PLGRKT: variants seen among roughly 807,000 people sequenced by gnomAD.
The protein encoded by PLGRKT is plasminogen receptor (KT).
Under a neutral mutation model 18.5 loss-of-function variants are expected in PLGRKT, and 22 were observed. The ratio of observed to expected loss-of-function variants is 1.19; its 90% CI spans 0.85 to 1.70. The LOEUF (loss-of-function observed/expected upper bound fraction) is 1.70, where lower values mean the gene tolerates loss of function less well. Ranked by LOEUF, PLGRKT falls within the 40% of genes most tolerant of loss-of-function variation. The pLI is 0.00. For missense variants in PLGRKT, 235 were observed against 174.4 expected, an observed-to-expected ratio of 1.35 and a Z score of -1.96; for synonymous variants, 72 against 52.8, an observed-to-expected ratio of 1.36 and a Z score of -1.58.
At chr9:5,389,454 C>T (rs985097880) in intron 3 of PLGRKT, among the ~76,000 whole-genome samples, 3 of 151,774 alleles carry the variant, frequency 2.0e-5, no homozygotes, top group African/African-American at 7.3e-5. Flanking sequence ...CCAGGTCAGC[C>T]CCCACCTGTC....
In PLGRKT at chr9:5,418,786, G is replaced by A. The variant is rs1818515400; in HGVS notation, c.81+13111C>T. On this transcript the variant is annotated intron_variant, in intron 3 of 5. Coordinates refer to ENST00000223864, the MANE Select transcript of PLGRKT (RefSeq NM_018465.4). This position sits in a 1 kb window ranked among gnomAD's most constrained non-coding sequence, Gnocchi z 4.2. ...GGGGTCGTCGAGGAGCTGCGACACG[G>A]AGAAGTCAGGGGGCAGCTTGGTGAC... The A allele has an allele frequency of 6.2e-5, 51 of 817,074 alleles. No homozygotes were observed. In the South Asian group the frequency reaches 7.6e-4, roughly 12 times the overall value. 50.6% of individuals were successfully genotyped at this position (817,074 alleles called of 1,614,324 possible).
intron 3 of PLGRKT, among the ~76,000 whole-genome samples, chr9:5,385,263 C>A (rs1586715966): frequency 6.6e-6 from 1 of 152,030 alleles, no homozygotes; most frequent in Middle Eastern, 3.4e-3. Flanking sequence ...TTGCTTAAGC[C>A]TTCATAACTT....
intron 3 of PLGRKT, among the ~76,000 whole-genome samples, chr9:5,402,447 G>A (rs1818172345): frequency 6.6e-6 from 1 of 151,854 alleles, no homozygotes; most frequent in Non-Finnish European, 1.5e-5. Flanking sequence ...TGCCTAAAAG[G>A]ATCTGTGGCT....
rs1817187132 is a variant in PLGRKT at position 5,358,438 on chromosome 9, C to G, written c.323-78G>C. The G allele has an allele frequency of 3.1e-6, 4 of 1,307,964 alleles. No homozygotes were observed. In the African/African-American group the frequency reaches 5.8e-5, roughly 19 times the overall value. 81.0% of individuals were successfully genotyped at this position (1,307,964 alleles called of 1,614,324 possible). On this transcript the variant is annotated intron_variant, in intron 5 of 5. Transcript: ENST00000223864. ...GTGACAAAGCCTGATTGCTATATTC[C>G]TTGACAGGCTCTAACACCGTATGAG...
intron 3 of PLGRKT, among the ~76,000 whole-genome samples, chr9:5,374,298 C>G (rs1253076132): frequency 6.6e-6 from 1 of 152,228 alleles, no homozygotes; most frequent in Non-Finnish European, 1.5e-5. Flanking sequence ...ACTGTGTTTT[C>G]TGTTCTTGGT....
chr9:5,375,372 C>A (rs1735994865), intron 3 of PLGRKT, among the ~76,000 whole-genome samples: 1 of 152,146 alleles, frequency 6.6e-6, no homozygotes, highest in Non-Finnish European at 1.5e-5. Context: ...AAGGAAAATG[C>A]ATGAGCTTCC....
chr9:5,372,139 G>A (rs1400874905), intron 3 of PLGRKT, among the ~76,000 whole-genome samples: 3 of 151,518 alleles, frequency 2.0e-5, no homozygotes, highest in Admixed American at 6.6e-5. Flanking sequence ...ACACCACCAC[G>A]CCCAGCTAAT....
At position 5,388,104 on chromosome 9, in the gene PLGRKT, G is replaced by C. The variant is rs1001896866; in HGVS notation, c.82-26216C>G. Among the ~76,000 whole-genome samples, 4 of 152,020 alleles carry C rather than the reference G, an allele frequency of 2.6e-5. No homozygotes were observed. In the East Asian group the frequency reaches 5.8e-4, roughly 22 times the overall value. On this transcript the variant is annotated intron_variant, in intron 3 of 5. Coordinates refer to ENST00000223864, the MANE Select transcript of PLGRKT (RefSeq NM_018465.4). ...TTATGCGGGAGTTATTTGAAATTATGAGACTGGATGAAATGCCCCAGGAAG... is the reference window on the plus strand; with the variant it reads ...TTATGCGGGAGTTATTTGAAATTATCAGACTGGATGAAATGCCCCAGGAAG...
chr9:5,414,219 T>G (rs1308144138), intron 3 of PLGRKT, among the ~76,000 whole-genome samples: 1 of 152,146 alleles, frequency 6.6e-6, no homozygotes, highest in East Asian at 1.9e-4. Flanking sequence ...CAGGCTGGAG[T>G]GCAATGGTGC....
At chr9:5,403,939 G>C (rs968221422) in intron 3 of PLGRKT, among the ~76,000 whole-genome samples, 8 of 152,042 alleles carry the variant, frequency 5.3e-5, no homozygotes, top group African/African-American at 1.9e-4. Context: ...GAAATGTTAA[G>C]GGGGATACCA....
intron 3 of PLGRKT, among the ~76,000 whole-genome samples, chr9:5,426,572 G>T (rs1015926129): frequency 1.3e-5 from 2 of 152,152 alleles, no homozygotes; most frequent in African/African-American, 4.8e-5. Context: ...TTGAAATTAA[G>T]AAATAAATAA....
intron 3 of PLGRKT, among the ~76,000 whole-genome samples, chr9:5,396,574 C>A (rs1294296926): frequency 3.3e-5 from 5 of 152,118 alleles, no homozygotes; most frequent in Middle Eastern, 3.4e-3. Context: ...GAATTAAAGG[C>A]GTGAGCCACT....
At chr9:5,435,444 T>A (rs1818942183) in intron 2 of PLGRKT, among the ~76,000 whole-genome samples, 1 of 151,998 alleles carries the variant, frequency 6.6e-6, no homozygotes, top group South Asian at 2.1e-4. Context: ...ATCCACCCAC[T>A]GCTAACTGCC....
chr9:5,437,980 C>G (rs1389080201), upstream of PLGRKT: 2 of 152,262 alleles, frequency 1.3e-5, no homozygotes, highest in Admixed American at 6.5e-5. Flanking sequence ...CCGCCAGAAG[C>G]CGGGTGTGTC....
chr9:5,403,369 G>T (rs563543478), intron 3 of PLGRKT, among the ~76,000 whole-genome samples: 1 of 149,296 alleles, frequency 6.7e-6, no homozygotes, highest in Non-Finnish European at 1.5e-5. Context: ...GATTACAGGC[G>T]CACGCCACCA....
chr9:5,426,553 C>T (rs1047540334), intron 3 of PLGRKT, among the ~76,000 whole-genome samples: 1 of 152,190 alleles, frequency 6.6e-6, no homozygotes, highest in Non-Finnish European at 1.5e-5. Flanking sequence ...TTCCCCTGTT[C>T]ATCCTTTCTT....
intron 3 of PLGRKT, among the ~76,000 whole-genome samples, chr9:5,379,635 C>G (rs1272112256): frequency 6.6e-6 from 1 of 152,100 alleles, no homozygotes; most frequent in African/African-American, 2.4e-5. Context: ...AGAAAAAGGG[C>G]ATTTCACTGA....
intron 3 of PLGRKT, among the ~76,000 whole-genome samples, chr9:5,426,655 T>C (rs1212114922): frequency 1.3e-5 from 2 of 152,194 alleles, no homozygotes; most frequent in Non-Finnish European, 2.9e-5. Context: ...CAATCCACCA[T>C]GGGACAAGTC....
intron 3 of PLGRKT, among the ~76,000 whole-genome samples, chr9:5,367,265 CA>C (rs1383375713): frequency 1.3e-5 from 2 of 151,706 alleles, no homozygotes; most frequent in Non-Finnish European, 2.9e-5. Context: ...CATATGAAAC[CA>C]AAAAAAGTCC....
Sources: allele counts gnomAD v4.1 joint callset (sites outside exome capture counted in the v4.1 genomes callset), GRCh38; gene constraint gnomAD v4.1.1; non-coding constraint Gnocchi (gnomAD v3.1); transcripts MANE v1.5; gene names NCBI Gene and HGNC (gene_info 2026-07-23, HGNC 2026-07-21).